Variants in ACAP3 observed in about 807,000 individuals in gnomAD.
ACAP3 encodes the protein ArfGAP with coiled-coil, ankyrin repeat and PH domains 3.
A neutral mutation model predicts 104.1 loss-of-function variants in ACAP3; 56 were observed. That is an observed-to-expected ratio of 0.54 (90% CI 0.43 to 0.67). The LOEUF (loss-of-function observed/expected upper bound fraction) is 0.67, where lower values mean the gene tolerates loss of function less well. Ranked by LOEUF, ACAP3 falls within the 30% of genes least tolerant of loss-of-function variation. The probability of loss-of-function intolerance (pLI) is 0.00; values close to 1 mark genes in which losing one functional copy is unlikely to be tolerated. For synonymous variants in ACAP3, 628 were observed against 496.2 expected, an observed-to-expected ratio of 1.27 and a Z score of -3.53; for missense variants, 1,208 against 1,174.9, an observed-to-expected ratio of 1.03 and a Z score of -0.41.
rs2100432108 is a variant in ACAP3 at position 1,297,812 on chromosome 1, A to T, written c.1128+10T>A. The T allele has an allele frequency of 6.2e-7, 1 of 1,607,320 alleles. No individual in the cohort carries two copies. Among genetic ancestry groups the T allele is most frequent in the Non-Finnish European group, 8.5e-7 (1 of 1,176,704 alleles). On this transcript the variant is annotated intron_variant, in intron 14 of 23. Coordinates refer to ENST00000354700, the MANE Select transcript of ACAP3 (RefSeq NM_030649.3). ...GCACGGGCTTGGGGCAGGGGCACCA[A>T]GGGCCACACCTCGCTATAGCAACTG...
rs1229375608 is a variant in ACAP3, at chr1:1,296,234, A to T, written c.1384T>A (p.Ser462Thr). 2.6e-6 allele frequency: 4 copies of T among 1,566,544 alleles called. No individual in the cohort carries two copies. The highest frequency in any genetic ancestry group is 3.8e-5 in the Admixed American group (2 of 52,688). ...ACCTTTAGCAGCTCAGGCTCCCACG[A>T]GTCCAGCGTCAGGGACCGCACCTTG... ...CSKVRSLTLD[S>T]WEPELLKLMC... The change falls in exon 16 of 24, where the codon TCG becomes ACG. Residue 462 changes from serine to threonine, a missense_variant. Physicochemically the swap from Ser to Thr is moderately conservative, Grantham distance 58. Transcript: ENST00000354700.
At chr1:1,302,101 TG>T in intron 4 of ACAP3, 55 bp from the exon 5 acceptor site, 1 of 1,393,094 alleles carries the variant, frequency 7.2e-7, no homozygotes, top group Non-Finnish European at 9.5e-7. Context: ...GAGCCCCAGA[TG>T]GAAGGCCCCA....
Position 1,293,446 on chromosome 1 carries a change from G to T in ACAP3, c.*118C>A, listed in dbSNP as rs573420839. The T allele has an allele frequency of 3.6e-6, 4 of 1,106,302 alleles. No individual in the cohort carries two copies. The South Asian group carries it at 1.0e-4, about 28-fold the overall frequency. The allele number at this position is 1,106,302 out of a possible 1,614,324, so 68.5% of individuals were successfully genotyped here. On this transcript the variant is annotated 3_prime_UTR_variant, in exon 24 of 24. Coordinates refer to ENST00000354700, the MANE Select transcript of ACAP3 (RefSeq NM_030649.3). ...AGGGCCGCGGCGCCCCAGCACTGGG[G>T]CTGCCAGGTATCGACCCGCGGGTCA...
Position 1,292,820 on chromosome 1 carries a change from G to C in ACAP3, c.*744C>G, listed in dbSNP as rs565978605. On this transcript the variant is annotated 3_prime_UTR_variant, in exon 24 of 24. Transcript: ENST00000354700. ...AAAGACGCAAGACAAAGTCAGACGA[G>C]GCCTATAGCAAACCCACTCGGTCCG... 1.0e-4 allele frequency: 16 copies of C among 152,444 alleles called. No individual in the cohort carries two copies. Among genetic ancestry groups the C allele is most frequent in the African/African-American group, 3.8e-4 (16 of 41,584 alleles). The allele number at this position is 152,444 out of a possible 1,614,324, so 9.4% of individuals were successfully genotyped here.
At chr1:1,294,950 G>T in intron 19 of ACAP3, 134 bp from the exon 20 acceptor site, 2 of 797,634 alleles carry the variant, frequency 2.5e-6, no homozygotes, top group Non-Finnish European at 3.9e-6. Context: ...ACCCAGGGCC[G>T]GGGGGAGCCA....
rs756853743 is a variant in ACAP3, at chr1:1,297,863, C to A, written c.1087G>T (p.Ala363Ser). Reference protein sequence around the residue: ...AWVQAVQASIASAYRESPDSC... With the variant: ...AWVQAVQASISSAYRESPDSC... ...TCAGGGCTCTCGCGGTAGGCGGAGG[C>A]GATGCTGGCCTGCACAGCCTGGACC... is the stretch of plus-strand genomic sequence containing the variant. Residue 363 changes from alanine to serine, a missense_variant, in exon 14 of 24, where the codon GCC (alanine) becomes TCC (serine). By Grantham distance (99) the Ala-to-Ser change is moderately conservative. Coordinates refer to ENST00000354700, the MANE Select transcript of ACAP3 (RefSeq NM_030649.3). 2 of 1,611,874 alleles carry A rather than the reference C, an allele frequency of 1.2e-6. No individual in the cohort carries two copies. Among genetic ancestry groups the A allele is most frequent in the Admixed American group, 1.7e-5 (1 of 59,994 alleles).
chr1:1,304,530 T>TC (rs1378905054), intron 1 of ACAP3: 1 of 306,548 alleles, frequency 3.3e-6, no homozygotes, highest in Non-Finnish European at 6.3e-6. Flanking sequence ...CTGCGGCACC[T>TC]CCCCTCACCC....
Position 1,301,982 on chromosome 1 carries a change from A to G in ACAP3, c.338+6T>C. The G allele has an allele frequency of 6.4e-7, 1 of 1,561,654 alleles. No homozygotes were observed. Among genetic ancestry groups the G allele is most frequent in the African/African-American group, 1.4e-5 (1 of 72,438 alleles). ...TGTTCTTCCCCCAGCCCTGGGGGCC[A>G]CTCACTCTTTGACAAAGCTCTGGAG... On this transcript the variant is annotated splice_donor_region_variant and intron_variant, in intron 5 of 23. Coordinates refer to ENST00000354700, the MANE Select transcript of ACAP3 (RefSeq NM_030649.3).
In ACAP3 at chr1:1,298,616, C is replaced by G. The variant is rs375292264; in HGVS notation, c.814G>C (p.Glu272Gln). 3 of 1,612,192 alleles carry G rather than the reference C, an allele frequency of 1.9e-6. 1 individual carries two copies. The highest frequency in any genetic ancestry group is 2.7e-5 in the African/African-American group (2 of 74,796). ...CTGGCCCTCTTGAAGAGGTAGCCCT[C>G]CATCACCACCCCACTGGGCGCGTCC... ...DVDAPSGVVMEGYLFKRASNA... is the reference protein window; with the variant it reads ...DVDAPSGVVMQGYLFKRASNA... Residue 272 changes from glutamate (E) to glutamine (Q), a missense_variant, in exon 11 of 24, where the codon GAG (glutamate) becomes CAG (glutamine). Physicochemically the swap from Glu to Gln is conservative, Grantham distance 29. Transcript: ENST00000354700.
chr1:1,306,779 C>A (rs938643271), intron 1 of ACAP3, among the ~76,000 whole-genome samples: 1 of 152,270 alleles, frequency 6.6e-6, no homozygotes, highest in Non-Finnish European at 1.5e-5. Context: ...ACTGCACAGA[C>A]ACGCATCAAC....
At position 1,295,150 on chromosome 1, in the gene ACAP3, GGCA is replaced by G. The variant is rs1466203491; in HGVS notation, c.1813+294_1813+296del. On this transcript the variant is annotated intron_variant, in intron 19 of 23. Coordinates refer to ENST00000354700, the MANE Select transcript of ACAP3 (RefSeq NM_030649.3). ...CTGAAATGTCTCCACCCAACCAACG[GGCA>G]GCATGGCTCCAGAAGGGCCCTAGGC... 3 of 555,628 alleles carry G rather than the reference GGCA, an allele frequency of 5.4e-6. No individual in the cohort carries two copies. The African/African-American group carries it at 5.7e-5, about 10-fold the overall frequency. 34.4% of individuals were successfully genotyped at this position (555,628 alleles called of 1,614,324 possible).
rs1640961427 is a variant in ACAP3 at position 1,293,767 on chromosome 1, G to GCCCC, written c.2360+55_2360+56insGGGG. The GCCCC allele has an allele frequency of 1.1e-5, 15 of 1,386,474 alleles. No homozygotes were observed. In the African/African-American group the frequency reaches 1.3e-4, roughly 12 times the overall value. The allele number at this position is 1,386,474 out of a possible 1,614,324, so 85.9% of individuals were successfully genotyped here. ...CTGGAGGCCCCGCCCCTGCCCTGGAGGCCCCGCCCCTGCCCTGGAGGCCCC... is the reference window on the plus strand; with the variant it reads ...CTGGAGGCCCCGCCCCTGCCCTGGAGCCCCGCCCCGCCCCTGCCCTGGAGGCCCC... On this transcript the variant is annotated intron_variant, in intron 23 of 23. Coordinates refer to ENST00000354700, the MANE Select transcript of ACAP3 (RefSeq NM_030649.3).
Position 1,307,788 on chromosome 1 carries a change from T to A in ACAP3, c.28A>T (p.Lys10Ter). MTVEFEECVKDSPRFRATID... is the reference protein window; with the variant it reads MTVEFEECV ...GCGCACCTGAAGCGCGGGGAGTCCT[T>A]GACGCACTCCTCGAACTCCACGGTC... Residue 10 changes from lysine (K) to a stop codon, truncating the protein, a stop_gained, in exon 1 of 24, where the codon AAG becomes TAG. Coordinates refer to ENST00000354700, the MANE Select transcript of ACAP3 (RefSeq NM_030649.3). LOFTEE classifies it high-confidence loss of function. 1 of 1,086,694 alleles carries A rather than the reference T, an allele frequency of 9.2e-7. No homozygotes were observed. The highest frequency in any genetic ancestry group is 1.1e-6 in the Non-Finnish European group (1 of 895,332). The allele number at this position is 1,086,694 out of a possible 1,614,324, so 67.3% of individuals were successfully genotyped here.
At position 1,293,162 on chromosome 1, in the gene ACAP3, G is replaced by A. The variant is rs11540735; in HGVS notation, c.*402C>T. ...GGAGGAGGCTCTGGGGTGTGCAGGA[G>A]GGAGCCAGCTAACAGGTCAGTGTTC... On this transcript the variant is annotated 3_prime_UTR_variant, in exon 24 of 24. Transcript: ENST00000354700. The A allele has an allele frequency of 1.9e-5, 3 of 156,458 alleles. No individual in the cohort carries two copies. The highest frequency in any genetic ancestry group is 2.8e-5 in the Non-Finnish European group (2 of 71,278). The allele number at this position is 156,458 out of a possible 1,614,324, so 9.7% of individuals were successfully genotyped here. A position where few individuals can be genotyped will look rare whatever the true frequency, so the allele number is the denominator to read the frequency against.
Position 1,299,354 on chromosome 1 carries a change from C to T in ACAP3, c.741G>A (p.Thr247=), listed in dbSNP as rs1444658799. 7.0e-6 allele frequency: 11 copies of T among 1,576,120 alleles called. No individual in the cohort carries two copies. Among genetic ancestry groups the T allele is most frequent in the East Asian group, 2.3e-5 (1 of 43,604 alleles). Residue 247 remains threonine, a splice_region_variant and synonymous_variant, in exon 10 of 24, where the codon ACG becomes ACA. Coordinates refer to ENST00000354700, the MANE Select transcript of ACAP3 (RefSeq NM_030649.3). ...ERKHAAIQQR[T]LLQDFSYDES... Reference sequence around the variant, plus strand: ...GCCCGTGCTCACTTACCTGCAGCAGCGTCTGGAGGGCCGGAGCAGGAGGGG... The same window carrying T: ...GCCCGTGCTCACTTACCTGCAGCAGTGTCTGGAGGGCCGGAGCAGGAGGGG...
rs1466046756 is a variant in ACAP3, at chr1:1,293,197, G to A, written c.*367C>T. On this transcript the variant is annotated 3_prime_UTR_variant, in exon 24 of 24. Coordinates refer to ENST00000354700, the MANE Select transcript of ACAP3 (RefSeq NM_030649.3). The stretch of plus-strand genomic sequence containing the variant: ...TAACAGGTCAGTGTTCTGGGCAGAA[G>A]TGGGGCACGAAGTAACACAGGCCCT... The A allele has an allele frequency of 1.8e-5, 3 of 165,058 alleles. No homozygotes were observed. Among genetic ancestry groups the A allele is most frequent in the East Asian group, 1.8e-4 (1 of 5,694 alleles). The allele number at this position is 165,058 out of a possible 1,614,324, so 10.2% of individuals were successfully genotyped here.
chr1:1,297,770 C>T (rs941874122), intron 14 of ACAP3, 52 bp downstream of exon 14: 13 of 1,564,454 alleles, frequency 8.3e-6, no homozygotes, highest in South Asian at 2.2e-5. Flanking sequence ...GGGCCATCCC[C>T]GGTGGCACGT....
rs143898116 is a variant in ACAP3, at chr1:1,307,097, C to T, written c.47+672G>A. The T allele has an allele frequency of 1.4e-4, 147 of 1,059,064 alleles. No individual in the cohort carries two copies. The African/African-American group carries it at 2.1e-3, about 15-fold the overall frequency. 65.6% of individuals were successfully genotyped at this position (1,059,064 alleles called of 1,614,324 possible). On this transcript the variant is annotated intron_variant, in intron 1 of 23. Coordinates refer to ENST00000354700, the MANE Select transcript of ACAP3 (RefSeq NM_030649.3). ...TTGGGGATGCAGAGAGGTTTCTTTG[C>T]CTCCATTGTCGTTTGCCAAATGTCC...
intron 19 of ACAP3, chr1:1,295,022 C>T: frequency 3.4e-6 from 2 of 588,380 alleles, no homozygotes; most frequent in South Asian, 4.2e-5. Flanking sequence ...CAGGGGTAGC[C>T]CCCTAAAGCC....
Sources: allele counts gnomAD v4.1 joint callset (sites outside exome capture counted in the v4.1 genomes callset), GRCh38; gene constraint gnomAD v4.1.1; transcripts MANE v1.5; gene names NCBI Gene and HGNC (gene_info 2026-07-23, HGNC 2026-07-21).